WNT2: variants seen among roughly 807,000 people sequenced by gnomAD.
WNT2 encodes protein Wnt-2.
A neutral mutation model predicts 36.9 loss-of-function variants in WNT2; 12 were observed. The ratio of observed to expected loss-of-function variants is 0.33; its 90% confidence interval spans 0.21 to 0.53. The LOEUF (loss-of-function observed/expected upper bound fraction) is 0.53. Among genes scored for constraint, WNT2 ranks in the 20% least tolerant of loss-of-function variants. WNT2 has a pLI of 0.95. For synonymous variants in WNT2, 163 were observed against 174.6 expected (o/e 0.93, Z 0.52); for missense variants, 379 against 473.1 (o/e 0.80, Z 1.84).
intron 3 of WNT2, among the ~76,000 whole-genome samples, chr7:117,312,136 G>A (rs988406198): frequency 2.0e-5 from 3 of 152,118 alleles, no homozygotes; most frequent in African/African-American, 7.2e-5. Flanking sequence ...AGAAGAAAGA[G>A]TGAACTAACT....
intron 1 of WNT2, among the ~76,000 whole-genome samples, chr7:117,321,267 C>G (rs181892118): frequency 6.6e-6 from 1 of 152,330 alleles, no homozygotes; most frequent in East Asian, 1.9e-4. Context: ...TAAAAACTGT[C>G]TGTATCTGTC....
chr7:117,283,381 T>C (rs781029499), intron 4 of WNT2, among the ~76,000 whole-genome samples: 1 of 152,254 alleles, frequency 6.6e-6, no homozygotes, highest in Non-Finnish European at 1.5e-5. Flanking sequence ...TTTATCAAAA[T>C]GGGAATACCG....
At chr7:117,305,625 G>T (rs1464049687) in intron 3 of WNT2, among the ~76,000 whole-genome samples, 1 of 152,186 alleles carries the variant, frequency 6.6e-6, no homozygotes, top group Non-Finnish European at 1.5e-5. Flanking sequence ...GGTGGGGCTT[G>T]TGGACCAAAA....
chr7:117,290,538 A>G (rs796936211), intron 4 of WNT2, among the ~76,000 whole-genome samples: 4 of 152,348 alleles, frequency 2.6e-5, no homozygotes, highest in African/African-American at 9.6e-5. Context: ...TGGTCTAGCT[A>G]TCTTAGCACC....
Position 117,284,935 on chromosome 7 carries a change from G to C in WNT2, c.854-6551C>G, listed in dbSNP as rs2116330721. 6.6e-6 allele frequency among the ~76,000 whole-genome samples: 1 copy of C among 152,374 alleles called. No individual in the cohort carries two copies. The highest frequency in any genetic ancestry group is 1.9e-4 in the East Asian group (1 of 5,186). On this transcript the variant is annotated intron_variant, in intron 4 of 4. Transcript: ENST00000265441. The surrounding 1 kb of genome is among the most constrained non-coding windows in gnomAD (Gnocchi z 5.2). Reference sequence around the variant, plus strand: ...GCAAGCAGGCTTGCCTGACTGTAGAGCTCAAGCTCTTGACAGTCGTGACAT... The same window carrying C: ...GCAAGCAGGCTTGCCTGACTGTAGACCTCAAGCTCTTGACAGTCGTGACAT...
intron 3 of WNT2, among the ~76,000 whole-genome samples, chr7:117,306,184 A>C (rs1795011628): frequency 6.6e-6 from 1 of 151,956 alleles, no homozygotes. Flanking sequence ...TATTCTTCTT[A>C]TTGTCAATTT....
intron 3 of WNT2, among the ~76,000 whole-genome samples, 167 bp downstream of exon 3, chr7:117,314,904 A>G (rs1476946751): frequency 6.6e-6 from 1 of 152,178 alleles, no homozygotes; most frequent in African/African-American, 2.4e-5. Context: ...GAATATTTCA[A>G]CCTAGTTGTT....
chr7:117,303,470 A>G (rs62469413), intron 3 of WNT2, among the ~76,000 whole-genome samples: 6,441 of 152,236 alleles, frequency 0.042, 188 homozygotes, highest in Non-Finnish European at 0.063. Flanking sequence ...GGATCAATGG[A>G]TAAGTGGGCC....
chr7:117,279,010 T>A lies in WNT2; in HGVS notation c.854-626A>T, dbSNP rs118026474. Among the ~76,000 whole-genome samples, 135 of 152,270 alleles carry A rather than the reference T, an allele frequency of 8.9e-4. 1 individual carries two copies. In the East Asian group the frequency reaches 0.025, roughly 28 times the overall value. ...ATATTAACTGTCTCTCCTGCTGCAG[T>A]CTAGCAGGACATATAGATGTGTGTG... On this transcript the variant is annotated intron_variant, in intron 4 of 4. Coordinates refer to ENST00000265441, the MANE Select transcript of WNT2 (RefSeq NM_003391.3).
Position 117,277,906 on chromosome 7 carries a change from C to G in WNT2, c.*249G>C. ...GGCTGAACAGCCTGTCATGCTATTTCCAAAGAGAACTCGCCAGGAGGGGAG... is the reference window on the plus strand; with the variant it reads ...GGCTGAACAGCCTGTCATGCTATTTGCAAAGAGAACTCGCCAGGAGGGGAG... On this transcript the variant is annotated 3_prime_UTR_variant, in exon 5 of 5. Transcript: ENST00000265441. 1 of 528,200 alleles carries G rather than the reference C, an allele frequency of 1.9e-6. No individual in the cohort carries two copies. Among genetic ancestry groups the G allele is most frequent in the Non-Finnish European group, 3.4e-6 (1 of 293,972 alleles). 32.7% of individuals were successfully genotyped at this position (528,200 alleles called of 1,614,324 possible). A position where few individuals can be genotyped will look rare whatever the true frequency, so the allele number is the denominator to read the frequency against.
At chr7:117,283,624 C>A (rs545741058) in intron 4 of WNT2, among the ~76,000 whole-genome samples, 1 of 152,280 alleles carries the variant, frequency 6.6e-6, no homozygotes, top group South Asian at 2.1e-4. Flanking sequence ...GAAAACTGAA[C>A]CAGACTGTCT....
intron 3 of WNT2, among the ~76,000 whole-genome samples, chr7:117,300,327 C>T (rs1472505434): frequency 6.6e-6 from 1 of 152,198 alleles, no homozygotes; most frequent in Non-Finnish European, 1.5e-5. Context: ...GCTGGGACTA[C>T]AGGCGCGGGT....
chr7:117,284,480 G>A lies in WNT2; in HGVS notation c.854-6096C>T, dbSNP rs572114408. Among the ~76,000 whole-genome samples, 25 of 152,240 alleles carry A rather than the reference G, an allele frequency of 1.6e-4. No individual in the cohort carries two copies. Among genetic ancestry groups the A allele is most frequent in the African/African-American group, 4.6e-4 (19 of 41,540 alleles). The stretch of plus-strand genomic sequence containing the variant: ...TTTTTCTCAAATAATATACAAACTT[G>A]TTAACTGAGTCACTCACCCTTGCTT... On this transcript the variant is annotated intron_variant, in intron 4 of 4. Transcript: ENST00000265441. The surrounding 1 kb of genome is among the most constrained non-coding windows in gnomAD (Gnocchi z 5.2).
chr7:117,317,008 A>G (rs1795233333), intron 2 of WNT2, among the ~76,000 whole-genome samples: 1 of 152,244 alleles, frequency 6.6e-6, no homozygotes, highest in Admixed American at 6.5e-5. Flanking sequence ...TTAGGAAAAT[A>G]CCTTTTCCAT....
chr7:117,294,148 C>T (rs1326345816), intron 4 of WNT2, among the ~76,000 whole-genome samples: 2 of 152,192 alleles, frequency 1.3e-5, no homozygotes, highest in African/African-American at 2.4e-5. Context: ...ATCCTCCCGC[C>T]TCAGTCTCCC....
At chr7:117,303,504 G>A (rs563162843) in intron 3 of WNT2, among the ~76,000 whole-genome samples, 47 of 152,232 alleles carry the variant, frequency 3.1e-4, no homozygotes, top group Admixed American at 2.2e-3. Flanking sequence ...AGGCTATAGC[G>A]GCAGGATACT....
At chr7:117,286,817 G>A (rs149086852) in intron 4 of WNT2, among the ~76,000 whole-genome samples, 1,223 of 119,972 alleles carry the variant, frequency 0.01, 18 homozygotes, top group African/African-American at 0.032. Context: ...CAGTGTTTTC[G>A]TAAGTTGGAA....
chr7:117,301,202 G>A (rs39307), intron 3 of WNT2, among the ~76,000 whole-genome samples: 1,561 of 152,248 alleles, frequency 0.01, 14 homozygotes, highest in South Asian at 0.025. Flanking sequence ...GCTTGCTCAC[G>A]TCTCCAGCAC....
intron 4 of WNT2, among the ~76,000 whole-genome samples, chr7:117,282,414 C>G (rs529889848): frequency 2.1e-5 from 2 of 94,914 alleles, no homozygotes; most frequent in African/African-American, 8.8e-5. Context: ...AGGAGGAAGA[C>G]AAGGAGGAGG....
Sources: allele counts gnomAD v4.1 joint callset (sites outside exome capture counted in the v4.1 genomes callset), GRCh38; gene constraint gnomAD v4.1.1; non-coding constraint Gnocchi (gnomAD v3.1); transcripts MANE v1.5; gene names NCBI Gene and HGNC (gene_info 2026-07-23, HGNC 2026-07-21).